CDH12: variants seen among roughly 807,000 people sequenced by gnomAD.
CDH12 encodes cadherin-12.
In CDH12, 41 loss-of-function variants were observed where a neutral mutation model predicts 74.1. The observed-to-expected ratio is 0.55, with a 90% CI of 0.43 to 0.72. CDH12 has a LOEUF of 0.72. CDH12 is among the 30% of genes least tolerant of loss of function. CDH12 has a pLI of 0.00. For missense variants in CDH12, 945 were observed against 977.2 expected (o/e 0.97, Z 0.44); for synonymous variants, 399 against 355.0 (o/e 1.12, Z -1.39).
At chr5:22,474,597 T>C (rs1317742925) in intron 2 of CDH12, among the ~76,000 whole-genome samples, 1 of 152,058 alleles carries the variant, frequency 6.6e-6, no homozygotes, top group Admixed American at 6.6e-5. Context: ...TGATGAACAA[T>C]GATTATTTCC....
chr5:21,958,569 G>A (rs887956692), intron 6 of CDH12, among the ~76,000 whole-genome samples: 16 of 152,110 alleles, frequency 1.1e-4, no homozygotes, highest in African/African-American at 3.4e-4. Flanking sequence ...CCCATCGCTC[G>A]TTTTTGTCAG....
At chr5:22,194,498 ATT>A (rs1750512081) in intron 4 of CDH12, among the ~76,000 whole-genome samples, 1 of 151,436 alleles carries the variant, frequency 6.6e-6, no homozygotes, top group African/African-American at 2.4e-5. Context: ...TGCCCGCCTA[ATT>A]TTTGTATTTT....
intron 1 of CDH12, among the ~76,000 whole-genome samples, chr5:22,679,212 GA>G (rs1741365205): frequency 6.6e-6 from 1 of 152,026 alleles, no homozygotes. Flanking sequence ...ATAATTTTAG[GA>G]AATTAGAAGA....
intron 4 of CDH12, among the ~76,000 whole-genome samples, chr5:22,132,039 T>TAAA (rs1454964366): frequency 3.2e-4 from 49 of 152,208 alleles, no homozygotes; most frequent in African/African-American, 1.1e-3. Flanking sequence ...TTATAGGATA[T>TAAA]TTTGCCTTTG....
At chr5:21,900,383 A>G (rs1462068052) in intron 6 of CDH12, among the ~76,000 whole-genome samples, 1 of 152,242 alleles carries the variant, frequency 6.6e-6, no homozygotes, top group East Asian at 1.9e-4. Context: ...TAATAATACA[A>G]TCTATATATG....
intron 1 of CDH12, among the ~76,000 whole-genome samples, chr5:22,763,470 T>C (rs1746330928): frequency 6.6e-6 from 1 of 151,976 alleles, no homozygotes; most frequent in South Asian, 2.1e-4. Context: ...GTCAACTCTG[T>C]TAACAGTATT....
At chr5:22,830,861 C>T (rs1736572988) in intron 1 of CDH12, among the ~76,000 whole-genome samples, 1 of 151,506 alleles carries the variant, frequency 6.6e-6, no homozygotes, top group African/African-American at 2.4e-5. Flanking sequence ...ATCATTATTA[C>T]ATAATATATA....
chr5:22,625,710 C>T (rs1012582891), intron 1 of CDH12, among the ~76,000 whole-genome samples: 5 of 152,264 alleles, frequency 3.3e-5, no homozygotes, highest in East Asian at 1.9e-4. Context: ...AACCTGCCCA[C>T]GCATGCTTGC....
intron 3 of CDH12, among the ~76,000 whole-genome samples, chr5:22,355,714 T>C (rs1156934729): frequency 6.6e-6 from 1 of 151,994 alleles, no homozygotes; most frequent in African/African-American, 2.4e-5. Context: ...TGCATAATCT[T>C]GACATTCTTG....
chr5:22,531,514 A>C (rs2126703984), intron 1 of CDH12, among the ~76,000 whole-genome samples: 1 of 152,206 alleles, frequency 6.6e-6, no homozygotes, highest in African/African-American at 2.4e-5. Flanking sequence ...CCATCAGTAC[A>C]TTTGTCTGCA....
chr5:21,966,693 CTGAG>C (rs1756600496), intron 6 of CDH12, among the ~76,000 whole-genome samples: 2 of 151,988 alleles, frequency 1.3e-5, no homozygotes, highest in African/African-American at 4.8e-5. Flanking sequence ...CAAAGCCTTC[CTGAG>C]TAATTAATTA....
intron 6 of CDH12, among the ~76,000 whole-genome samples, chr5:21,928,973 A>T (rs1422582943): frequency 3.3e-5 from 5 of 152,110 alleles, no homozygotes; most frequent in Non-Finnish European, 7.3e-5. Flanking sequence ...GCTCTTCCAT[A>T]AATGACCATC....
intron 4 of CDH12, among the ~76,000 whole-genome samples, chr5:22,194,850 C>G (rs1272356494): frequency 1.4e-4 from 22 of 152,168 alleles, no homozygotes; most frequent in Admixed American, 1.4e-3. Context: ...GAGACATCAG[C>G]AGTTGTGGTC....
At chr5:22,691,594 C>T (rs1282013123) in intron 1 of CDH12, among the ~76,000 whole-genome samples, 1 of 152,188 alleles carries the variant, frequency 6.6e-6, no homozygotes, top group East Asian at 1.9e-4. Flanking sequence ...ACAAATCTTT[C>T]CTCAAATCTT....
chr5:22,833,375 A>T (rs1331062632), intron 1 of CDH12, among the ~76,000 whole-genome samples: 1 of 152,212 alleles, frequency 6.6e-6, no homozygotes, highest in Non-Finnish European at 1.5e-5. Flanking sequence ...GATGCCTTAC[A>T]GCCACCTGTT....
At chr5:22,607,820 G>T (rs1737195675) in intron 1 of CDH12, among the ~76,000 whole-genome samples, 2 of 152,360 alleles carry the variant, frequency 1.3e-5, no homozygotes, top group South Asian at 4.1e-4. Context: ...GCTTCAGAGG[G>T]TGCAAGCCCC....
At chr5:22,591,734 T>C (rs575466256) in intron 1 of CDH12, among the ~76,000 whole-genome samples, 1 of 152,152 alleles carries the variant, frequency 6.6e-6, no homozygotes, top group African/African-American at 2.4e-5. Flanking sequence ...GAGTTTTCCA[T>C]AACACATATA....
At chr5:21,963,745 T>A (rs1756461810) in intron 6 of CDH12, among the ~76,000 whole-genome samples, 2 of 152,092 alleles carry the variant, frequency 1.3e-5, no homozygotes, top group South Asian at 4.1e-4. Context: ...TTTTAATAAG[T>A]ACTATATTTT....
At chr5:22,718,138 A>G (rs1318675175) in intron 1 of CDH12, among the ~76,000 whole-genome samples, 1 of 152,204 alleles carries the variant, frequency 6.6e-6, no homozygotes, top group Non-Finnish European at 1.5e-5. Flanking sequence ...CTCAATTATC[A>G]TTTCCTGAAA....
Sources: allele counts gnomAD v4.1 joint callset (sites outside exome capture counted in the v4.1 genomes callset), GRCh38; gene constraint gnomAD v4.1.1; transcripts MANE v1.5; gene names NCBI Gene and HGNC (gene_info 2026-07-23, HGNC 2026-07-21).